Variants in POT1 observed in about 807,000 individuals in gnomAD.
The protein encoded by POT1 is protection of telomeres protein 1.
POT1 carries 47 observed loss-of-function variants against 78.5 expected under a neutral mutation model. That is an observed-to-expected ratio of 0.60 (90% CI 0.47 to 0.76). POT1 has a LOEUF of 0.76. Ranked by LOEUF, POT1 falls within the 30% of genes least tolerant of loss-of-function variation. The pLI is 0.00. For synonymous variants in POT1, 259 were observed against 260.7 expected (o/e 0.99, Z 0.06); for missense variants, 646 against 749.9 (o/e 0.86, Z 1.62).
intron 17 of POT1, among the ~76,000 whole-genome samples, chr7:124,825,629 C>T (rs1794611895): frequency 2.0e-5 from 3 of 151,922 alleles, no homozygotes; most frequent in Non-Finnish European, 4.4e-5. Flanking sequence ...AACAATGAGG[C>T]TGACTATTCT....
chr7:124,887,209 TA>T (rs1796267509), intron 6 of POT1, among the ~76,000 whole-genome samples: 1 of 152,098 alleles, frequency 6.6e-6, no homozygotes, highest in South Asian at 2.1e-4. Context: ...ACTCTGGGAA[TA>T]AGCTGAAATG....
intron 6 of POT1, among the ~76,000 whole-genome samples, chr7:124,889,980 T>TA (rs1180575434): frequency 2.0e-5 from 3 of 151,824 alleles, no homozygotes; most frequent in Non-Finnish European, 4.4e-5. Flanking sequence ...TGTCATTATT[T>TA]AAAAAAAATA....
intron 6 of POT1, among the ~76,000 whole-genome samples, chr7:124,878,524 T>C (rs777522139): frequency 2.6e-4 from 39 of 152,232 alleles, no homozygotes; most frequent in Non-Finnish European, 5.0e-4. Context: ...AATGGATATG[T>C]TAATTAGCTT....
rs531745920 is a variant in POT1 at position 124,915,566 on chromosome 7, C to T, written c.-154+8G>A. 1 of 152,088 alleles carries T rather than the reference C, an allele frequency of 6.6e-6. No individual in the cohort carries two copies. The highest frequency in any genetic ancestry group is 1.5e-5 in the Non-Finnish European group (1 of 67,968). 9.4% of individuals were successfully genotyped at this position (152,088 alleles called of 1,614,324 possible). ...GATAAGTAGAAATAGTTTGCTTATA[C>T]TATATACCTTGTAGTCCAATCTGCA... On this transcript the variant is annotated splice_region_variant and intron_variant, in intron 3 of 18. Transcript: ENST00000357628.
Position 124,866,714 on chromosome 7 carries a change from C to A in POT1, c.256-3074G>T, listed in dbSNP as rs184476680. 2.6e-5 allele frequency among the ~76,000 whole-genome samples: 4 copies of A among 152,282 alleles called. No individual in the cohort carries two copies. In the East Asian group the frequency reaches 7.7e-4, roughly 29 times the overall value. On this transcript the variant is annotated intron_variant, in intron 7 of 18. Transcript: ENST00000357628. ...AAATGTCTATAGGCAGGGATGTGGT[C>A]ATCATGGGGCTCACTTTATAAGTTT...
intron 3 of POT1, among the ~76,000 whole-genome samples, chr7:124,901,767 A>G (rs1314802312): frequency 2.6e-5 from 4 of 152,204 alleles, no homozygotes; most frequent in African/African-American, 9.6e-5. Flanking sequence ...CATCGCACAT[A>G]AGCTAAAAAC....
intron 15 of POT1, among the ~76,000 whole-genome samples, chr7:124,831,633 A>G (rs1205511489): frequency 6.6e-6 from 1 of 152,208 alleles, no homozygotes; most frequent in Non-Finnish European, 1.5e-5. Flanking sequence ...AAATGAAACA[A>G]AAAATAACAC....
At chr7:124,857,415 G>A (rs751853410) in intron 9 of POT1, among the ~76,000 whole-genome samples, 4 of 152,138 alleles carry the variant, frequency 2.6e-5, no homozygotes, top group Admixed American at 6.5e-5. Context: ...CTGATACCAC[G>A]GCCCAAAGTG....
intron 2 of POT1, among the ~76,000 whole-genome samples, chr7:124,923,324 T>TA (rs1312638757): frequency 6.6e-6 from 1 of 151,568 alleles, no homozygotes; most frequent in East Asian, 1.9e-4. Flanking sequence ...CAGACATCTT[T>TA]AAAAAAAGAA....
At chr7:124,880,375 G>A (rs1796089241) in intron 6 of POT1, among the ~76,000 whole-genome samples, 1 of 151,766 alleles carries the variant, frequency 6.6e-6, no homozygotes, top group Admixed American at 6.6e-5. Flanking sequence ...GACCAATACA[G>A]GAAAAAAACT....
At chr7:124,869,127 GTGAA>G (rs1249525357) in intron 7 of POT1, among the ~76,000 whole-genome samples, 1 of 152,114 alleles carries the variant, frequency 6.6e-6, no homozygotes, top group African/African-American at 2.4e-5. Context: ...TCTCTAGACT[GTGAA>G]TGGAGCCATG....
intron 9 of POT1, among the ~76,000 whole-genome samples, chr7:124,854,969 G>C (rs1055123528): frequency 5.3e-5 from 8 of 151,262 alleles, no homozygotes; most frequent in African/African-American, 1.9e-4. Context: ...CATACAAAAG[G>C]CTTTGATATT....
At chr7:124,852,202 A>T (rs1319427279) in intron 10 of POT1, among the ~76,000 whole-genome samples, 1 of 152,200 alleles carries the variant, frequency 6.6e-6, no homozygotes, top group Non-Finnish European at 1.5e-5. Flanking sequence ...CTGGGAATTT[A>T]ATGGATAGCA....
chr7:124,905,840 C>T (rs932403497), intron 3 of POT1, among the ~76,000 whole-genome samples: 1 of 152,178 alleles, frequency 6.6e-6, no homozygotes, highest in Non-Finnish European at 1.5e-5. Context: ...TATGAACTGA[C>T]ATTTGTCAAA....
chr7:124,914,703 A>ATCTAAATAT (rs1796975948), intron 3 of POT1, among the ~76,000 whole-genome samples: 1 of 152,198 alleles, frequency 6.6e-6, no homozygotes, highest in South Asian at 2.1e-4. Flanking sequence ...TGGACATTGC[A>ATCTAAATAT]TTAGGCATTA....
intron 2 of POT1, among the ~76,000 whole-genome samples, chr7:124,923,894 C>A (rs776085638): frequency 3.5e-4 from 48 of 135,294 alleles, no homozygotes; most frequent in Middle Eastern, 7.8e-3. Context: ...AGTGCTCAAA[C>A]AAACAAACAA....
chr7:124,829,726 CTA>C (rs546858709), intron 15 of POT1, among the ~76,000 whole-genome samples: 1 of 149,984 alleles, frequency 6.7e-6, no homozygotes. Context: ...ATATCTATAT[CTA>C]TATATATATA....
At chr7:124,828,276 A>C (rs1180739253) in intron 16 of POT1, among the ~76,000 whole-genome samples, 3 of 152,200 alleles carry the variant, frequency 2.0e-5, no homozygotes, top group Non-Finnish European at 4.4e-5. Context: ...ATCTGGTTGA[A>C]TGGACAAGAA....
chr7:124,927,550 G>A (rs1216451240), intron 2 of POT1, among the ~76,000 whole-genome samples: 1 of 152,106 alleles, frequency 6.6e-6, no homozygotes, highest in Non-Finnish European at 1.5e-5. Context: ...ACGTATCAAA[G>A]ACTCCTGAGT....
Sources: allele counts gnomAD v4.1 joint callset (sites outside exome capture counted in the v4.1 genomes callset), GRCh38; gene constraint gnomAD v4.1.1; transcripts MANE v1.5; gene names NCBI Gene and HGNC (gene_info 2026-07-23, HGNC 2026-07-21).